The following VSTM4 variants were observed in gnomAD, a reference collection of about 807,000 sequenced individuals.
The protein encoded by VSTM4 is V-set and transmembrane domain-containing protein 4.
VSTM4 carries 20 observed loss-of-function variants against 36.4 expected under a neutral mutation model. That is an observed-to-expected ratio of 0.55 (90% CI 0.39 to 0.80). The LOEUF (loss-of-function observed/expected upper bound fraction) is 0.80, where lower values mean the gene tolerates loss of function less well. Among genes scored for constraint, VSTM4 ranks in the 30% least tolerant of loss-of-function variants. The pLI, the probability that VSTM4 is intolerant of heterozygous loss-of-function variation, is 0.00. For synonymous variants in VSTM4, 182 were observed against 173.9 expected (o/e 1.05, Z -0.37); for missense variants, 392 against 404.5 (o/e 0.97, Z 0.26).
intron 1 of VSTM4, among the ~76,000 whole-genome samples, 184 bp from the exon 2 acceptor site, chr10:49,108,179 G>A (rs188463712): frequency 6.2e-4 from 94 of 152,248 alleles, no homozygotes; most frequent in Non-Finnish European, 1.2e-3. Flanking sequence ...AGCCTCTGTG[G>A]GCCCCCACTG....
intron 5 of VSTM4, among the ~76,000 whole-genome samples, chr10:49,057,782 G>A (rs955437956): frequency 6.6e-6 from 1 of 152,188 alleles, no homozygotes; most frequent in African/African-American, 2.4e-5. Flanking sequence ...TTGCTCAGGT[G>A]GATGTGGGCA....
intron 2 of VSTM4, among the ~76,000 whole-genome samples, chr10:49,100,579 A>C (rs1844648736): frequency 6.6e-6 from 1 of 152,156 alleles, no homozygotes; most frequent in South Asian, 2.1e-4. Context: ...ACTGAAAGAC[A>C]TTTAAAAAAA....
rs368674860 is a variant in VSTM4, at chr10:49,108,035, C to T, written c.56-40G>A. On this transcript the variant is annotated intron_variant, in intron 1 of 7. Coordinates refer to ENST00000332853, the MANE Select transcript of VSTM4 (RefSeq NM_001031746.5). ...GGGAGAAGAGAGGATGAGGAGGGCC[C>T]CAAGTCCCCCTGTGGGCAGTCCACA... 240 of 1,515,626 alleles carry T rather than the reference C, an allele frequency of 1.6e-4. 1 individual carries two copies. Among genetic ancestry groups the T allele is most frequent in the South Asian group, 4.5e-4 (36 of 79,284 alleles). The allele number at this position is 1,515,626 out of a possible 1,614,324, so 93.9% of individuals were successfully genotyped here.
chr10:49,066,837 A>G (rs1416355179), intron 4 of VSTM4, among the ~76,000 whole-genome samples: 3 of 152,208 alleles, frequency 2.0e-5, no homozygotes, highest in Non-Finnish European at 1.5e-5. Context: ...AAATTAAAAA[A>G]TTATTAATTT....
At chr10:49,093,386 G>C (rs549630502) in intron 2 of VSTM4, among the ~76,000 whole-genome samples, 1 of 152,150 alleles carries the variant, frequency 6.6e-6, no homozygotes, top group Non-Finnish European at 1.5e-5. Context: ...AACTTTTCCC[G>C]TTTCAAAAGG....
At chr10:49,035,950 C>A (rs1288854564) in intron 7 of VSTM4, among the ~76,000 whole-genome samples, 1 of 152,184 alleles carries the variant, frequency 6.6e-6, no homozygotes, top group Admixed American at 6.5e-5. Flanking sequence ...AGCTGAGAAG[C>A]ACGTGACCTG....
At chr10:49,108,065 A>C in intron 1 of VSTM4, 70 bp from the exon 2 acceptor site, 1 of 1,471,200 alleles carries the variant, frequency 6.8e-7, no homozygotes, top group Non-Finnish European at 9.0e-7. Context: ...TCCACAGTCG[A>C]GGAGCCAGGA....
chr10:49,064,607 A>T, intron 5 of VSTM4, 96 bp downstream of exon 5: 2 of 1,386,200 alleles, frequency 1.4e-6, no homozygotes, highest in Non-Finnish European at 2.0e-6. Flanking sequence ...GCAGACTTTT[A>T]GGTAAAACTA....
At chr10:49,110,267 C>T (rs951292611) in intron 1 of VSTM4, among the ~76,000 whole-genome samples, 1 of 152,204 alleles carries the variant, frequency 6.6e-6, no homozygotes, top group Non-Finnish European at 1.5e-5. Context: ...TTTATAGTGA[C>T]TGAAACCAGA....
rs1231806302 is a variant in VSTM4, at chr10:49,057,138, C to T, written c.668+7565G>A. Among the ~76,000 whole-genome samples, 4 of 152,156 alleles carry T rather than the reference C, an allele frequency of 2.6e-5. No individual in the cohort carries two copies. The South Asian group carries it at 6.3e-4, about 24-fold the overall frequency. On this transcript the variant is annotated intron_variant, in intron 5 of 7. Coordinates refer to ENST00000332853, the MANE Select transcript of VSTM4 (RefSeq NM_001031746.5). ...TCATGAGGGATCTGCCCCCATGACC[C>T]AAACACGTCCCACCAAGACTACCTC...
In VSTM4 at chr10:49,064,734, T is replaced by C; in HGVS notation, c.637A>G (p.Arg213Gly). 1.2e-6 allele frequency: 2 copies of C among 1,612,750 alleles called. No homozygotes were observed. The highest frequency in any genetic ancestry group is 1.7e-6 in the Non-Finnish European group (2 of 1,179,576). Residue 213 changes from arginine to glycine, a missense_variant and splice_region_variant, in exon 5 of 8, where the codon AGA becomes GGA. Arg to Gly is a moderately radical substitution (Grantham distance 125). Transcript: ENST00000332853. ...SVFNKRKSRV[R>G]HYLVKCPQNS... ...TGAGGGCATTTCACCAAATAATGTC[T>C]CACTGTGAAAGGAAAAATAATAGAA...
chr10:49,098,525 C>T (rs1163911487), intron 2 of VSTM4, among the ~76,000 whole-genome samples: 1 of 152,218 alleles, frequency 6.6e-6, no homozygotes, highest in Non-Finnish European at 1.5e-5. Flanking sequence ...CTTCCTCCTC[C>T]TCTAATCTGA....
intron 3 of VSTM4, among the ~76,000 whole-genome samples, chr10:49,084,593 G>A (rs572656682): frequency 6.6e-6 from 1 of 152,302 alleles, no homozygotes; most frequent in South Asian, 2.1e-4. Flanking sequence ...GTTAACAAAG[G>A]GTGACAGTAA....
At chr10:49,047,098 G>A (rs1843624308) in intron 6 of VSTM4, 54 bp from the exon 7 acceptor site, 1 of 1,529,958 alleles carries the variant, frequency 6.5e-7, no homozygotes, top group Non-Finnish European at 9.1e-7. Flanking sequence ...ACACTTAGTG[G>A]CCACACATTA....
chr10:49,100,504 CAATTAT>C (rs1844647431), intron 2 of VSTM4, among the ~76,000 whole-genome samples: 1 of 151,480 alleles, frequency 6.6e-6, no homozygotes, highest in South Asian at 2.1e-4. Context: ...ATCCTAATTA[CAATTAT>C]AAAATACCTA....
chr10:49,095,080 A>C (rs1477666224), intron 2 of VSTM4, among the ~76,000 whole-genome samples: 1 of 152,208 alleles, frequency 6.6e-6, no homozygotes, highest in African/African-American at 2.4e-5. Flanking sequence ...AAACAAAAAA[A>C]ATGAAATAGA....
chr10:49,053,932 T>A (rs915821903), intron 5 of VSTM4, among the ~76,000 whole-genome samples: 1 of 152,222 alleles, frequency 6.6e-6, no homozygotes, highest in African/African-American at 2.4e-5. Context: ...ACCTAGATTT[T>A]GCAAGGTATT....
At chr10:49,048,350 A>G (rs1265013548) in intron 6 of VSTM4, 128 bp downstream of exon 6, 3 of 835,726 alleles carry the variant, frequency 3.6e-6, no homozygotes, top group Admixed American at 6.7e-5. Context: ...CAGACTACAT[A>G]ATCATTAAAT....
intron 7 of VSTM4, among the ~76,000 whole-genome samples, chr10:49,043,210 T>C (rs1275580401): frequency 1.3e-5 from 2 of 152,224 alleles, no homozygotes; most frequent in Non-Finnish European, 1.5e-5. Flanking sequence ...AAGCATCAAA[T>C]AGACACTGGA....
Sources: gnomAD v4.1 joint callset for allele counts (sites outside exome capture counted in the v4.1 genomes callset) on GRCh38, gnomAD v4.1.1 for gene constraint, MANE v1.5 for transcripts, NCBI Gene and HGNC (gene_info 2026-07-23, HGNC 2026-07-21) for gene names.